NPR1: variants seen among roughly 807,000 people sequenced by gnomAD.
The protein encoded by NPR1 is atrial natriuretic peptide receptor 1.
Under a neutral mutation model 116.9 loss-of-function variants are expected in NPR1, and 57 were observed. The ratio of observed to expected loss-of-function variants is 0.49; its 90% CI spans 0.39 to 0.61. The LOEUF is 0.61. Ranked by LOEUF, NPR1 falls within the 20% of genes least tolerant of loss-of-function variation. NPR1 has a pLI of 0.00. For synonymous variants in NPR1, 555 were observed against 601.6 expected (o/e 0.92, Z 1.13); for missense variants, 1,096 against 1,409.8 (o/e 0.78, Z 3.56).
At position 153,688,958 on chromosome 1, in the gene NPR1, A is replaced by G; in HGVS notation, c.2423A>G (p.Asn808Ser). ...CCGCCACCCTCTGCCCCCAGGGAGA[A>G]CAGCAGCAACATCCTGGACAACCTG... ...RLTLRKFNRE[N>S]SSNILDNLLS... The change falls in exon 16 of 22, where the codon AAC (asparagine) becomes AGC (serine). Residue 808 changes from asparagine (N) to serine (S), a missense_variant. Asn to Ser is a conservative substitution (Grantham distance 46). Transcript: ENST00000368680. 2.5e-6 allele frequency: 4 copies of G among 1,614,054 alleles called. No individual in the cohort carries two copies. Among genetic ancestry groups the G allele is most frequent in the Non-Finnish European group, 3.4e-6 (4 of 1,179,974 alleles).
Position 153,690,399 on chromosome 1 carries a change from T to C in NPR1, c.3031+17T>C, listed in dbSNP as rs753175654. On this transcript the variant is annotated intron_variant, in intron 20 of 21. Transcript: ENST00000368680. ...ATGGGGAAGGTACAGTGCCCCCTCC[T>C]AGAGGGAATGGGGAGGGCAGGGTGG... 1.5e-5 allele frequency: 23 copies of C among 1,530,084 alleles called. No individual in the cohort carries two copies. The highest frequency in any genetic ancestry group is 2.0e-5 in the Non-Finnish European group (22 of 1,126,886). 94.8% of individuals were successfully genotyped at this position (1,530,084 alleles called of 1,614,324 possible).
rs909505097 is a variant in NPR1 at position 153,689,559 on chromosome 1, C to T, written c.2757+38C>T. 7 of 1,582,998 alleles carry T rather than the reference C, an allele frequency of 4.4e-6. No homozygotes were observed. The highest frequency in any genetic ancestry group is 1.3e-5 in the African/African-American group (1 of 74,332). ...GTGGGGATGGGAAGGGACAGACAGA[C>T]ATGGACAAGGTCAGAAAAAGATGAG... On this transcript the variant is annotated intron_variant, in intron 18 of 21. Transcript: ENST00000368680. The surrounding 1 kb of genome is among the most constrained non-coding windows in gnomAD (Gnocchi z 5.1).
In NPR1 at chr1:153,679,198, C is replaced by T. The variant is rs1240528120; in HGVS notation, c.90C>T (p.Ser30=). The part of the protein sequence containing the change: ...LPPLLLLLRG[S]HAGNLTVAVV... ...CGCTGCTGCTGCTGCTCCGGGGCAG[C>T]CACGCGGGCAACCTGACGGTAGCCG... The change falls in exon 1 of 22, where the codon AGC becomes AGT. Residue 30 remains serine (S), a synonymous_variant. Transcript: ENST00000368680. This position sits in a 1 kb window ranked among gnomAD's most constrained non-coding sequence, Gnocchi z 4.2. 7.9e-6 allele frequency: 12 copies of T among 1,513,410 alleles called. No homozygotes were observed. Among genetic ancestry groups the T allele is most frequent in the Non-Finnish European group, 1.1e-5 (12 of 1,136,002 alleles). 93.7% of individuals were successfully genotyped at this position (1,513,410 alleles called of 1,614,324 possible).
intron 7 of NPR1, among the ~76,000 whole-genome samples, chr1:153,684,611 C>T (rs909942887): frequency 6.6e-6 from 1 of 151,926 alleles, no homozygotes; most frequent in Admixed American, 6.6e-5. Flanking sequence ...AGGATGGTCT[C>T]GATCTCTTGA....
intron 20 of NPR1, 66 bp downstream of exon 20, chr1:153,690,448 C>T (rs1670076289): frequency 8.3e-7 from 1 of 1,208,042 alleles, no homozygotes; most frequent in Non-Finnish European, 1.2e-6. Context: ...CATCCTGGGG[C>T]AGCCTGTGCC....
At chr1:153,691,229 G>T (rs1489810401) in intron 20 of NPR1, among the ~76,000 whole-genome samples, 1 of 152,174 alleles carries the variant, frequency 6.6e-6, no homozygotes, top group Non-Finnish European at 1.5e-5. Flanking sequence ...TCTATCTCAG[G>T]ATTGCAAGAA....
intron 15 of NPR1, 119 bp from the exon 16 acceptor site, chr1:153,688,834 C>A: frequency 2.4e-6 from 3 of 1,264,678 alleles, no homozygotes; most frequent in Non-Finnish European, 3.4e-6. Flanking sequence ...ATGCCCTCAA[C>A]CCTGAGCGTC....
At chr1:153,691,896 A>G (rs1286191862) in intron 20 of NPR1, among the ~76,000 whole-genome samples, 2 of 151,990 alleles carry the variant, frequency 1.3e-5, no homozygotes, top group African/African-American at 2.4e-5. Flanking sequence ...CAAAAAAAAA[A>G]AAGAGAGAAA....
chr1:153,689,783 G>A lies in NPR1; in HGVS notation c.2758-23G>A, dbSNP rs1441725070. The A allele has an allele frequency of 6.6e-7, 1 of 1,512,526 alleles. No individual in the cohort carries two copies. The highest frequency in any genetic ancestry group is 8.9e-7 in the Non-Finnish European group (1 of 1,122,880). 93.7% of individuals were successfully genotyped at this position (1,512,526 alleles called of 1,614,324 possible). A position where few individuals can be genotyped will look rare whatever the true frequency, so the allele number is the denominator to read the frequency against. On this transcript the variant is annotated intron_variant, in intron 18 of 21. Coordinates refer to ENST00000368680, the MANE Select transcript of NPR1 (RefSeq NM_000906.4). This position sits in a 1 kb window ranked among gnomAD's most constrained non-coding sequence, Gnocchi z 5.1. ...CGCACAGTTGCAGCCGTCAAGTCCTGCACCCCCTCGCCACTCCCACAGGTG... is the reference window on the plus strand; with the variant it reads ...CGCACAGTTGCAGCCGTCAAGTCCTACACCCCCTCGCCACTCCCACAGGTG...
Position 153,679,977 on chromosome 1 carries a change from C to G in NPR1, c.721+148C>G. On this transcript the variant is annotated intron_variant, in intron 1 of 21. Coordinates refer to ENST00000368680, the MANE Select transcript of NPR1 (RefSeq NM_000906.4). The surrounding 1 kb of genome is among the most constrained non-coding windows in gnomAD (Gnocchi z 4.2). Reference sequence around the variant, plus strand: ...TCTACTTTCAGCTCCCTGGCCCTTTCTACAGCTGAGTTTCTATTTCCCTCT... The same window carrying G: ...TCTACTTTCAGCTCCCTGGCCCTTTGTACAGCTGAGTTTCTATTTCCCTCT... 8.8e-7 allele frequency: 1 copy of G among 1,130,674 alleles called. No homozygotes were observed. Among genetic ancestry groups the G allele is most frequent in the Non-Finnish European group, 1.2e-6 (1 of 817,488 alleles). The allele number at this position is 1,130,674 out of a possible 1,614,324, so 70.0% of individuals were successfully genotyped here.
At position 153,686,723 on chromosome 1, in the gene NPR1, A is replaced by C; in HGVS notation, c.1836A>C (p.Thr612=). 1.2e-6 allele frequency: 2 copies of C among 1,613,980 alleles called. No individual in the cohort carries two copies. Among genetic ancestry groups the C allele is most frequent in the Non-Finnish European group, 1.7e-6 (2 of 1,179,914 alleles). Residue 612 remains threonine, a synonymous_variant, in exon 11 of 22, where the codon ACA becomes ACC. Transcript: ENST00000368680. ...CTDPPNICIL[T]EYCPRGSLQD... is the part of the protein sequence containing the mutation. ...ACCCCCCCAATATCTGCATCCTCACAGAGTACTGTCCCCGTGGGAGCCTGC... is the reference window on the plus strand; with the variant it reads ...ACCCCCCCAATATCTGCATCCTCACCGAGTACTGTCCCCGTGGGAGCCTGC...
chr1:153,688,912 G>A lies in NPR1; in HGVS notation c.2418-41G>A, dbSNP rs757394675. 3 of 1,612,958 alleles carry A rather than the reference G, an allele frequency of 1.9e-6. No homozygotes were observed. The South Asian group carries it at 3.3e-5, about 18-fold the overall frequency. On this transcript the variant is annotated intron_variant, in intron 15 of 21. Transcript: ENST00000368680. ...GCGGGCGCTCACGGTAGGCTGTGCT[G>A]CTCCTCTCTTACCACCCCCACCGCC...
chr1:153,691,663 G>A (rs1196481063), intron 20 of NPR1, among the ~76,000 whole-genome samples: 2 of 152,124 alleles, frequency 1.3e-5, no homozygotes, highest in Non-Finnish European at 2.9e-5. Flanking sequence ...TTGGGAGGCC[G>A]AGGTGGGCAG....
intron 1 of NPR1, among the ~76,000 whole-genome samples, chr1:153,680,181 T>G (rs1170249634): frequency 1.4e-5 from 2 of 139,316 alleles, no homozygotes; most frequent in Non-Finnish European, 3.1e-5. Context: ...CCCTCTCTTC[T>G]CCCCCTCCCT....
intron 5 of NPR1, among the ~76,000 whole-genome samples, 166 bp from the exon 6 acceptor site, chr1:153,683,210 A>C (rs1208515272): frequency 2.6e-5 from 4 of 152,086 alleles, no homozygotes; most frequent in Non-Finnish European, 5.9e-5. Context: ...GTGTGGTATG[A>C]GGTCCTGTGT....
At chr1:153,688,828 C>T (rs1670005440) in intron 15 of NPR1, 125 bp from the exon 16 acceptor site, 3 of 1,189,584 alleles carry the variant, frequency 2.5e-6, no homozygotes, top group South Asian at 2.7e-5. Context: ...CCTGCTATGC[C>T]CTCAACCCTG....
intron 2 of NPR1, 45 bp from the exon 3 acceptor site, chr1:153,681,135 A>G (rs753965494): frequency 1.7e-5 from 20 of 1,205,396 alleles, no homozygotes; most frequent in East Asian, 2.3e-5. Flanking sequence ...GTACTAGGGA[A>G]TAGTCAGCTC....
At chr1:153,690,496 C>A in intron 20 of NPR1, 114 bp downstream of exon 20, 1 of 680,636 alleles carries the variant, frequency 1.5e-6, no homozygotes, top group Non-Finnish European at 2.6e-6. Flanking sequence ...TTTCGCCTCC[C>A]AAGTTCCCCT....
At chr1:153,683,869 G>C (rs185657297) in intron 7 of NPR1, 45 bp downstream of exon 7, 1 of 1,573,676 alleles carries the variant, frequency 6.4e-7, no homozygotes, top group Non-Finnish European at 8.7e-7. Flanking sequence ...GGGACCCGGA[G>C]AACCAATAGC....
Sources: allele counts gnomAD v4.1 joint callset (sites outside exome capture counted in the v4.1 genomes callset), GRCh38; gene constraint gnomAD v4.1.1; non-coding constraint Gnocchi (gnomAD v3.1); transcripts MANE v1.5; gene names NCBI Gene and HGNC (gene_info 2026-07-23, HGNC 2026-07-21).